The following RBFOX1 variants were observed in gnomAD, a reference collection of about 807,000 sequenced individuals.
RBFOX1 encodes RNA binding protein fox-1 homolog 1.
In RBFOX1, 8 loss-of-function variants were observed where a neutral mutation model predicts 57.7. That is an observed-to-expected ratio of 0.14 (90% CI 0.08 to 0.25). The LOEUF is 0.25. RBFOX1 is among the 10% of genes least tolerant of loss of function. The pLI is 1.00. For missense variants in RBFOX1, 611 were observed against 548.5 expected (o/e 1.11, Z -1.14); for synonymous variants, 326 against 222.4 (o/e 1.47, Z -4.15).
intron 1 of RBFOX1, among the ~76,000 whole-genome samples, chr16:6,207,315 A>G (rs1317979092): frequency 1.3e-5 from 2 of 152,362 alleles, no homozygotes; most frequent in East Asian, 3.9e-4. Context: ...TGCAATCTAT[A>G]GAAAGCCATA....
In RBFOX1 at chr16:5,674,975, C is replaced by T. The variant is rs887010285; in HGVS notation, c.318+76014C>T. 4.6e-5 allele frequency among the ~76,000 whole-genome samples: 7 copies of T among 152,010 alleles called. No homozygotes were observed. In the South Asian group the frequency reaches 8.3e-4, roughly 18 times the overall value. On this transcript the variant is annotated intron_variant, in intron 3 of 19. Coordinates refer to the RBFOX1 transcript ENST00000641259. Reference sequence around the variant, plus strand: ...CAGCCTGGACAACACAGCAAAACCGCGTCTCTCCGAAAAATTTTAAAAAAT... The same window carrying T: ...CAGCCTGGACAACACAGCAAAACCGTGTCTCTCCGAAAAATTTTAAAAAAT...
chr16:6,550,374 A>G (rs75106272), intron 2 of RBFOX1, among the ~76,000 whole-genome samples: 4,135 of 152,168 alleles, frequency 0.027, 166 homozygotes, highest in South Asian at 0.073. Flanking sequence ...ACAAGCCTTC[A>G]CCATGTTGAC....
At chr16:5,723,375 A>G in intron 3 of RBFOX1, among the ~76,000 whole-genome samples, 1 of 151,028 alleles carries the variant, frequency 6.6e-6, no homozygotes, top group African/African-American at 2.4e-5. Flanking sequence ...AGCCCACAGG[A>G]AGCTGTGGAT....
intron 4 of RBFOX1, among the ~76,000 whole-genome samples, chr16:7,140,157 C>CCTCCCTCTCTCTCTCTCTCTCTCT (rs2073300584): frequency 9.9e-5 from 7 of 70,886 alleles, no homozygotes; most frequent in African/African-American, 4.1e-4. Flanking sequence ...TCCTTCTCTC[C>CCTCCCTCTCTCTCTCTCTCTCTCT]CTCTCTCTCT....
intron 3 of RBFOX1, among the ~76,000 whole-genome samples, chr16:7,034,139 T>C (rs529593115): frequency 6.6e-6 from 1 of 152,232 alleles, no homozygotes; most frequent in South Asian, 2.1e-4. Flanking sequence ...GTTGTCTGAG[T>C]GATTCTCATT....
intron 5 of RBFOX1, among the ~76,000 whole-genome samples, chr16:7,557,638 AAAAAGAAAAAG>A (rs1272809066): frequency 0.028 from 2,824 of 100,308 alleles, 241 homozygotes; most frequent in African/African-American, 0.054. Context: ...AAAAAAAAAA[AAAAAGAAAAAG>A]AAAAAAAAAA....
At chr16:7,413,888 A>C (rs1360337604) in intron 4 of RBFOX1, among the ~76,000 whole-genome samples, 2 of 152,216 alleles carry the variant, frequency 1.3e-5, no homozygotes, top group South Asian at 4.1e-4. Flanking sequence ...TGCGAGGATT[A>C]ATTGGATTTG....
chr16:5,343,961 A>G (rs2065087681), intron 1 of RBFOX1, among the ~76,000 whole-genome samples: 1 of 152,198 alleles, frequency 6.6e-6, no homozygotes, highest in Admixed American at 6.5e-5. Flanking sequence ...ACGCTTGAGC[A>G]TATGTAACCA....
intron 1 of RBFOX1, among the ~76,000 whole-genome samples, chr16:5,372,788 C>T (rs569888439): frequency 2.4e-4 from 37 of 152,346 alleles, no homozygotes; most frequent in African/African-American, 8.7e-4. Flanking sequence ...TAAATGAGAA[C>T]ATTGTTCATG....
intron 2 of RBFOX1, among the ~76,000 whole-genome samples, chr16:5,529,189 A>C (rs1383074212): frequency 6.6e-6 from 1 of 152,042 alleles, no homozygotes; most frequent in African/African-American, 2.4e-5. Flanking sequence ...CCCACCTATA[A>C]AATGGGAATG....
chr16:7,328,702 G>C (rs1268459275), intron 4 of RBFOX1: 2 of 150,854 alleles, frequency 1.3e-5, no homozygotes, highest in African/African-American at 4.9e-5. Flanking sequence ...CAAAATCCTT[G>C]ATGGAAATCT....
intron 4 of RBFOX1, among the ~76,000 whole-genome samples, chr16:7,122,666 G>T (rs963963963): frequency 6.6e-6 from 1 of 152,018 alleles, no homozygotes; most frequent in African/African-American, 2.4e-5. Flanking sequence ...TTGACAGTCC[G>T]TTACAAAGTT....
At chr16:6,875,996 C>CA (rs1230604414) in intron 3 of RBFOX1, among the ~76,000 whole-genome samples, 2 of 151,296 alleles carry the variant, frequency 1.3e-5, no homozygotes, top group African/African-American at 4.9e-5. Flanking sequence ...GAACTTGTCT[C>CA]AAAAAATAAT....
chr16:7,364,086 C>G (rs1349579938), intron 4 of RBFOX1, among the ~76,000 whole-genome samples: 1 of 152,234 alleles, frequency 6.6e-6, no homozygotes, highest in African/African-American at 2.4e-5. Flanking sequence ...AAGCTCACAT[C>G]TTTTCAAAGC....
At chr16:6,662,166 G>T (rs766225423) in intron 3 of RBFOX1, among the ~76,000 whole-genome samples, 17 of 151,884 alleles carry the variant, frequency 1.1e-4, no homozygotes, top group Non-Finnish European at 2.5e-4. Context: ...TTGGTCAAAG[G>T]ATACAAACCC....
intron 3 of RBFOX1, among the ~76,000 whole-genome samples, chr16:5,860,651 C>T (rs1467342071): frequency 1.3e-5 from 2 of 152,136 alleles, no homozygotes; most frequent in Non-Finnish European, 2.9e-5. Context: ...GATACCTCCC[C>T]AGGGCTAAAA....
At chr16:5,591,272 A>G (rs1241161094) in intron 2 of RBFOX1, among the ~76,000 whole-genome samples, 2 of 138,802 alleles carry the variant, frequency 1.4e-5, no homozygotes, top group African/African-American at 2.7e-5. Flanking sequence ...TTTTTTTGAG[A>G]CGGAGTTTCT....
intron 1 of RBFOX1, among the ~76,000 whole-genome samples, chr16:5,454,838 T>C (rs2068538588): frequency 1.5e-5 from 2 of 130,686 alleles, no homozygotes; most frequent in Admixed American, 7.7e-5. Flanking sequence ...CTTGCTTTCT[T>C]TCCTTTCTTT....
intron 3 of RBFOX1, among the ~76,000 whole-genome samples, chr16:5,859,325 C>T (rs1460067578): frequency 6.6e-6 from 1 of 152,180 alleles, no homozygotes; most frequent in Non-Finnish European, 1.5e-5. Context: ...CAGTGATTAC[C>T]TTGAACTCAC....
Sources: gnomAD v4.1 joint callset for allele counts (sites outside exome capture counted in the v4.1 genomes callset) on GRCh38, gnomAD v4.1.1 for gene constraint, MANE v1.5 for transcripts, NCBI Gene and HGNC (gene_info 2026-07-23, HGNC 2026-07-21) for gene names.